XIAP: variants seen among roughly 807,000 people sequenced by gnomAD.
The protein encoded by XIAP is X-linked inhibitor of apoptosis, also known as E3 ubiquitin-protein ligase XIAP.
XIAP carries 3 observed loss-of-function variants against 33.1 expected under a neutral mutation model. The ratio of observed to expected loss-of-function variants is 0.09; its 90% CI spans 0.04 to 0.23. The LOEUF is 0.23. Among genes scored for constraint, XIAP ranks in the 10% least tolerant of loss-of-function variants. The probability of loss-of-function intolerance (pLI) is 1.00; values close to 1 mark genes in which losing one functional copy is unlikely to be tolerated. For missense variants in XIAP, 264 were observed against 363.0 expected, an observed-to-expected ratio of 0.73 and a Z score of 2.22; for synonymous variants, 98 against 121.3, an observed-to-expected ratio of 0.81 and a Z score of 1.26.
intron 1 of XIAP, chrX:123,872,953 C>T (rs2053208031): frequency 9.0e-6 from 1 of 111,373 alleles, no homozygotes; most frequent in East Asian, 2.8e-4. Flanking sequence ...CTCTGCTTCC[C>T]AGGCTCAGGC....
At chrX:123,895,708 T>G (rs1339775553) in intron 5 of XIAP, among the ~76,000 whole-genome samples, 1 of 97,923 alleles carries the variant, frequency 1.0e-5, no homozygotes, top group Non-Finnish European at 2.1e-5. Context: ...CATCTTTTCA[T>G]GTGCCTATTG....
chrX:123,901,181 G>A (rs1602558697), intron 6 of XIAP, among the ~76,000 whole-genome samples: 1 of 111,773 alleles, frequency 8.9e-6, no homozygotes, highest in Non-Finnish European at 1.9e-5. Flanking sequence ...TTAAAAATAT[G>A]AGTTCTACCA....
chrX:123,907,669 G>T lies in XIAP; in HGVS notation c.*488G>T. The T allele has an allele frequency of 2.7e-6, 1 of 374,316 alleles. No individual in the cohort carries two copies. Among genetic ancestry groups the T allele is most frequent in the Non-Finnish European group, 5.1e-6 (1 of 197,257 alleles). 30.8% of individuals were successfully genotyped at this position (374,316 alleles called of 1,213,427 possible). A position where few individuals can be genotyped will look rare whatever the true frequency, so the allele number is the denominator to read the frequency against. ...AGATTGTTTTTAGAGGTTGGTTGTT[G>T]TGTTTTAGGATTCTGTCCATTTTCT... On this transcript the variant is annotated 3_prime_UTR_variant, in exon 7 of 7. Transcript: ENST00000371199.
At position 123,910,172 on chromosome X, in the gene XIAP, A is replaced by C. The variant is rs1168238225; in HGVS notation, c.*2991A>C. The stretch of plus-strand genomic sequence containing the variant: ...TTTTTGAGAACTGGTTTTAGCATTT[A>C]CAAACTAAATTCCAGTTAATTAATT... On this transcript the variant is annotated 3_prime_UTR_variant, in exon 7 of 7. Coordinates refer to ENST00000371199, the MANE Select transcript of XIAP (RefSeq NM_001167.4). 3.0e-6 allele frequency: 1 copy of C among 328,462 alleles called. No homozygotes were observed. The highest frequency in any genetic ancestry group is 5.9e-6 in the Non-Finnish European group (1 of 169,559). 27.1% of individuals were successfully genotyped at this position (328,462 alleles called of 1,213,427 possible).
intron 1 of XIAP, among the ~76,000 whole-genome samples, chrX:123,879,990 T>C: frequency 9.1e-6 from 1 of 110,353 alleles, no homozygotes; most frequent in African/African-American, 3.3e-5. Context: ...GGCACGTGCC[T>C]GTAGTCCCAG....
intron 3 of XIAP, among the ~76,000 whole-genome samples, chrX:123,890,548 T>G (rs778394300): frequency 9.4e-6 from 1 of 106,116 alleles, no homozygotes; most frequent in African/African-American, 3.4e-5. Context: ...GAGGATCACT[T>G]GAGCTGGGGA....
Position 123,888,570 on chromosome X carries a change from T to G in XIAP, c.878-49T>G, listed in dbSNP as rs1178180881. On this transcript the variant is annotated intron_variant, in intron 2 of 6. Transcript: ENST00000371199. ...TTTAGGTGTTAAATGAATATTTTTG[T>G]GTAAGCTTCTAATTGCACAAATACA... is the stretch of plus-strand genomic sequence containing the variant. 4.6e-6 allele frequency: 5 copies of G among 1,091,878 alleles called. No homozygotes were observed. In the East Asian group the frequency reaches 1.5e-4, roughly 33 times the overall value. The allele number at this position is 1,091,878 out of a possible 1,213,427, so 90.0% of individuals were successfully genotyped here.
intron 1 of XIAP, among the ~76,000 whole-genome samples, chrX:123,872,195 C>T (rs1429466721): frequency 1.8e-5 from 2 of 111,135 alleles, no homozygotes; most frequent in East Asian, 5.6e-4. Context: ...GCCCAAAGTT[C>T]GCGGATACTT....
intron 1 of XIAP, among the ~76,000 whole-genome samples, chrX:123,875,012 G>A (rs1223946465): frequency 1.1e-5 from 1 of 91,857 alleles, no homozygotes; most frequent in African/African-American, 4.3e-5. Context: ...GCGCCTGGCT[G>A]ATCAGGGATT....
chrX:123,872,969 T>A (rs779699833), intron 1 of XIAP: 1 of 111,404 alleles, frequency 9.0e-6, no homozygotes, highest in Non-Finnish European at 1.9e-5. Flanking sequence ...CAGGCAGTCC[T>A]TCCACCTCAG....
At position 123,874,992 on chromosome X, in the gene XIAP, A is replaced by G. The variant is rs189067249; in HGVS notation, c.-32-10639A>G. 6.3e-3 allele frequency among the ~76,000 whole-genome samples: 621 copies of G among 98,734 alleles called. 7 individuals are homozygous for G. Among genetic ancestry groups the G allele is most frequent in the African/African-American group, 0.022 (582 of 26,250 alleles). 85.7% of individuals were successfully genotyped at this position (98,734 alleles called of 115,157 possible). A position where few individuals can be genotyped will look rare whatever the true frequency, so the allele number is the denominator to read the frequency against. On this transcript the variant is annotated intron_variant, in intron 1 of 6. Coordinates refer to ENST00000371199, the MANE Select transcript of XIAP (RefSeq NM_001167.4). Reference sequence around the variant, plus strand: ...CCCCCAAAGTGCTGGGATTACAGGCATGAGCCACTGCGCCTGGCTGATCAG... The same window carrying G: ...CCCCCAAAGTGCTGGGATTACAGGCGTGAGCCACTGCGCCTGGCTGATCAG...
At chrX:123,903,427 A>G (rs1444923223) in intron 6 of XIAP, among the ~76,000 whole-genome samples, 1 of 108,719 alleles carries the variant, frequency 9.2e-6, no homozygotes, top group African/African-American at 3.3e-5. Context: ...ACCTCAGGTG[A>G]TCTGCCCGCC....
chrX:123,898,943 A>AC (rs1225360113), intron 5 of XIAP, among the ~76,000 whole-genome samples: 2 of 102,653 alleles, frequency 1.9e-5, no homozygotes, highest in Non-Finnish European at 3.9e-5. Flanking sequence ...ATATAGTGAA[A>AC]CCCCATCTCT....
chrX:123,865,493 T>A (rs1342649263), intron 1 of XIAP, among the ~76,000 whole-genome samples: 1 of 109,014 alleles, frequency 9.2e-6, no homozygotes, highest in East Asian at 2.9e-4. Flanking sequence ...TTTGGGAGAC[T>A]GAGGCGGGCG....
At chrX:123,874,473 A>C (rs2053223687) in intron 1 of XIAP, 1 of 111,220 alleles carries the variant, frequency 9.0e-6, no homozygotes, top group South Asian at 3.7e-4. Context: ...TCGCTTTGGC[A>C]GTACATATAC....
rs1474217283 is a variant in XIAP at position 123,911,704 on chromosome X, A to G, written c.*4523A>G. On this transcript the variant is annotated 3_prime_UTR_variant, in exon 7 of 7. Transcript: ENST00000371199. Reference sequence around the variant, plus strand: ...AAATAAATAGGTCAAACCCTTAAAAATATTTAAATTCTTAAAAAATTGAAA... The same window carrying G: ...AAATAAATAGGTCAAACCCTTAAAAGTATTTAAATTCTTAAAAAATTGAAA... 3.1e-6 allele frequency: 1 copy of G among 326,749 alleles called. No homozygotes were observed. Among genetic ancestry groups the G allele is most frequent in the Non-Finnish European group, 5.9e-6 (1 of 169,604 alleles). 26.9% of individuals were successfully genotyped at this position (326,749 alleles called of 1,213,427 possible). A position where few individuals can be genotyped will look rare whatever the true frequency, so the allele number is the denominator to read the frequency against.
At chrX:123,868,016 T>G (rs954156219) in intron 1 of XIAP, among the ~76,000 whole-genome samples, 3 of 111,519 alleles carry the variant, frequency 2.7e-5, no homozygotes, top group Admixed American at 9.7e-5. Context: ...TCCAGTGTAT[T>G]ATTTTATACT....
At chrX:123,865,197 A>G (rs10907134) in intron 1 of XIAP, among the ~76,000 whole-genome samples, 41,957 of 108,713 alleles carry the variant, frequency 0.39, 6,234 homozygotes, top group African/African-American at 0.49. Context: ...GTAGATATGA[A>G]GAGACAAACA....
At chrX:123,883,181 C>A (rs1028781595) in intron 1 of XIAP, among the ~76,000 whole-genome samples, 2 of 110,475 alleles carry the variant, frequency 1.8e-5, no homozygotes, top group African/African-American at 3.3e-5. Flanking sequence ...TCCCCGGGTT[C>A]AAGGCATTCT....
Sources: allele counts gnomAD v4.1 joint callset (sites outside exome capture counted in the v4.1 genomes callset), GRCh38; gene constraint gnomAD v4.1.1; transcripts MANE v1.5; gene names NCBI Gene and HGNC (gene_info 2026-07-23, HGNC 2026-07-21).